ELK1: variants seen among roughly 807,000 people sequenced by gnomAD.
ELK1 encodes ETS domain-containing protein Elk-1.
For synonymous variants in ELK1, 163 were observed against 176.3 expected, an observed-to-expected ratio of 0.92 and a Z score of 0.60; for missense variants, 254 against 381.5, an observed-to-expected ratio of 0.67 and a Z score of 2.78.
Position 47,638,159 on chromosome X carries a change from G to A in ELK1, c.678C>T (p.Ala226=), listed in dbSNP as rs763164568. ...PLQVILTPPE[A]PNLKSEELNV... ...TAAGCTCTTCCGATTTCAGGTTTGGGGCCTCGGGCGGGGTCAGGATGACCT... is the reference window on the plus strand; with the variant it reads ...TAAGCTCTTCCGATTTCAGGTTTGGAGCCTCGGGCGGGGTCAGGATGACCT... The change falls in exon 5 of 7, where the codon GCC becomes GCT. Residue 226 remains alanine (A), a synonymous_variant. Transcript: ENST00000376983. 8.3e-7 allele frequency: 1 copy of A among 1,209,110 alleles called. No homozygotes were observed. The highest frequency in any genetic ancestry group is 1.1e-6 in the Non-Finnish European group (1 of 894,280).
In ELK1 at chrX:47,650,562, A is replaced by G. The variant is rs2058059867; in HGVS notation, c.-280T>C. 1 of 309,756 alleles carries G rather than the reference A, an allele frequency of 3.2e-6. No individual in the cohort carries two copies. The highest frequency in any genetic ancestry group is 6.0e-6 in the Non-Finnish European group (1 of 166,791). 25.5% of individuals were successfully genotyped at this position (309,756 alleles called of 1,213,427 possible). A position where few individuals can be genotyped will look rare whatever the true frequency, so the allele number is the denominator to read the frequency against. On this transcript the variant is annotated 5_prime_UTR_variant, in exon 1 of 7. Coordinates refer to ENST00000376983, the MANE Select transcript of ELK1 (RefSeq NM_001114123.3). ...GGTGGCGGTGGCGGCGGCAGCACCT[A>G]GAAGCCGCCCCTGCGTTTCCCTACA...
At position 47,636,460 on chromosome X, in the gene ELK1, T is replaced by G; in HGVS notation, c.*369A>C. Reference sequence around the variant, plus strand: ...AGGTCGTTCTCAAGCCAGACCTCGATTGTCTTGTCTTGGGGAAAAAAGTGG... The same window carrying G: ...AGGTCGTTCTCAAGCCAGACCTCGAGTGTCTTGTCTTGGGGAAAAAAGTGG... On this transcript the variant is annotated 3_prime_UTR_variant, in exon 7 of 7. Coordinates refer to ENST00000376983, the MANE Select transcript of ELK1 (RefSeq NM_001114123.3). 1 of 156,746 alleles carries G rather than the reference T, an allele frequency of 6.4e-6. No individual in the cohort carries two copies. Among genetic ancestry groups the G allele is most frequent in the Non-Finnish European group, 1.2e-5 (1 of 81,676 alleles). The allele number at this position is 156,746 out of a possible 1,213,427, so 12.9% of individuals were successfully genotyped here.
intron 4 of ELK1, 51 bp from the exon 5 acceptor site, chrX:47,638,233 A>G (rs1464101666): frequency 2.6e-6 from 3 of 1,173,272 alleles, no homozygotes; most frequent in South Asian, 1.9e-5. Flanking sequence ...TTGGGACCAC[A>G]GGATTCTCCT....
chrX:47,636,868 C>T lies in ELK1; in HGVS notation c.1248G>A (p.Ser416=), dbSNP rs1182257910. Reference sequence around the variant, plus strand: ...GCCCTGGGGAGAGCACCACGGGGGTCGAGAGGCCATCCACGCTGATAGAAG... The same window carrying T: ...GCCCTGGGGAGAGCACCACGGGGGTTGAGAGGCCATCCACGCTGATAGAAG... ...HIPSISVDGL[S]TPVVLSPGPQ... The change falls in exon 7 of 7, where the codon TCG becomes TCA. Residue 416 remains serine, a synonymous_variant. Transcript: ENST00000376983. 5.3e-5 allele frequency: 61 copies of T among 1,160,951 alleles called. No individual in the cohort carries two copies. Among genetic ancestry groups the T allele is most frequent in the Middle Eastern group, 2.4e-4 (1 of 4,252 alleles).
chrX:47,638,117 C>T lies in ELK1; in HGVS notation c.720G>A (p.Leu240=). 8.3e-7 allele frequency: 1 copy of T among 1,210,620 alleles called. No homozygotes were observed. The highest frequency in any genetic ancestry group is 1.7e-5 in the African/African-American group (1 of 57,903). The change falls in exon 5 of 7, where the codon TTG becomes TTA. Residue 240 remains leucine (L), a synonymous_variant. Coordinates refer to ENST00000376983, the MANE Select transcript of ELK1 (RefSeq NM_001114123.3). The part of the protein sequence containing the change: ...KSEELNVEPG[L]GRALPPEVKV... The stretch of plus-strand genomic sequence containing the variant: ...TCACTTCTGGGGGCAAAGCCCGGCC[C>T]AAACCCGGCTCCACATTAAGCTCTT...
At chrX:47,641,102 C>A in intron 3 of ELK1, 130 bp downstream of exon 3, 1 of 763,415 alleles carries the variant, frequency 1.3e-6, no homozygotes, top group Non-Finnish European at 1.9e-6. Flanking sequence ...CTTAGGGTAC[C>A]AATGGATGGG....
Position 47,639,240 on chromosome X carries a change from T to C in ELK1, c.309A>G (p.Pro103=). Residue 103 remains proline, a synonymous_variant, in exon 4 of 7, where the codon CCA becomes CCG. Transcript: ENST00000376983. The part of the protein sequence containing the change: ...GCSTEDCPPQ[P]EVSVTSTMPN... Reference sequence around the variant, plus strand: ...GCATGGTGGAGGTAACAGACACCTCTGGCTGGGGCGGGCAGTCCTCAGTGG... The same window carrying C: ...GCATGGTGGAGGTAACAGACACCTCCGGCTGGGGCGGGCAGTCCTCAGTGG... The C allele has an allele frequency of 8.3e-7, 1 of 1,210,285 alleles. No individual in the cohort carries two copies. The highest frequency in any genetic ancestry group is 1.1e-6 in the Non-Finnish European group (1 of 894,770).
chrX:47,649,840 G>T (rs994340623), intron 2 of ELK1, 81 bp downstream of exon 2: 4 of 99,364 alleles, frequency 4.0e-5, no homozygotes, highest in Non-Finnish European at 6.1e-5. Flanking sequence ...TGGTGGGGGG[G>T]GGGGGTGGTT....
At chrX:47,639,416 G>A (rs2235183) in intron 3 of ELK1, 78 bp from the exon 4 acceptor site, 1 of 853,739 alleles carries the variant, frequency 1.2e-6, no homozygotes, top group Non-Finnish European at 1.7e-6. Context: ...GGGAGGAGGG[G>A]GGTGGAGTGG....
At position 47,641,346 on chromosome X, in the gene ELK1, A is replaced by G. The variant is rs755428013; in HGVS notation, c.96T>C (p.Gly32=). The change falls in exon 3 of 7, where the codon GGT becomes GGC. Residue 32 remains glycine, a synonymous_variant. Transcript: ENST00000376983. ...HIISWTSRDG[G]EFKLVDAEEV... Reference sequence around the variant, plus strand: ...CCTCTGCATCCACCAGCTTGAATTCACCACCATCCCGTGAAGTCCAGGAGA... The same window carrying G: ...CCTCTGCATCCACCAGCTTGAATTCGCCACCATCCCGTGAAGTCCAGGAGA... The G allele has an allele frequency of 1.5e-5, 18 of 1,209,810 alleles. No homozygotes were observed. The highest frequency in any genetic ancestry group is 2.0e-5 in the Non-Finnish European group (18 of 895,226).
rs766616373 is a variant in ELK1, at chrX:47,637,846, G to A, written c.991C>T (p.Pro331Ser). ...LPLSPSLLGG[P>S]GPERTPGSGS... The stretch of plus-strand genomic sequence containing the variant: ...GATCCTGGGGTCCGTTCGGGTCCCG[G>A]CCCACCTAGCAGGCTCGGGCTGAGT... The change falls in exon 5 of 7, where the codon CCG becomes TCG. Residue 331 changes from proline to serine, a missense_variant. Physicochemically the swap from Pro to Ser is moderately conservative, Grantham distance 74 (BLOSUM62 -1). Coordinates refer to ENST00000376983, the MANE Select transcript of ELK1 (RefSeq NM_001114123.3). 14 of 1,197,459 alleles carry A rather than the reference G, an allele frequency of 1.2e-5. No homozygotes were observed. In the Middle Eastern group the frequency reaches 7.1e-4, roughly 61 times the overall value.
At position 47,641,776 on chromosome X, in the gene ELK1, G is replaced by A. The variant is rs765960126; in HGVS notation, c.-34-301C>T. ...GGCCAAATGATGCCAACCCTGCTCC[G>A]CATCCTAATCCTCGGAACCTGTATG... is the stretch of plus-strand genomic sequence containing the variant. On this transcript the variant is annotated intron_variant, in intron 2 of 6. Transcript: ENST00000376983. Among the ~76,000 whole-genome samples, 7 of 112,206 alleles carry A rather than the reference G, an allele frequency of 6.2e-5. No homozygotes were observed. In the South Asian group the frequency reaches 2.2e-3, roughly 35 times the overall value.
upstream of ELK1, chrX:47,650,564 A>G: frequency 3.3e-6 from 1 of 307,347 alleles, no homozygotes; most frequent in Admixed American, 4.4e-5. Flanking sequence ...CAGCACCTAG[A>G]AGCCGCCCCT....
chrX:47,648,577 G>A (rs1190073561), intron 2 of ELK1, among the ~76,000 whole-genome samples: 1 of 112,210 alleles, frequency 8.9e-6, no homozygotes, highest in African/African-American at 3.2e-5. Context: ...GAGATCTGGG[G>A]GTGGTGTTCA....
chrX:47,643,121 C>T (rs1238989358), intron 2 of ELK1, among the ~76,000 whole-genome samples: 3 of 111,144 alleles, frequency 2.7e-5, no homozygotes, highest in African/African-American at 9.8e-5. Context: ...TGGGGTCTCA[C>T]TATGTTGCCC....
chrX:47,639,402 A>AG, intron 3 of ELK1, 64 bp from the exon 4 acceptor site: 1 of 412,458 alleles, frequency 2.4e-6, no homozygotes, highest in Admixed American at 3.2e-5. Flanking sequence ...GCAGGGTGTC[A>AG]GGGGGGAGGA....
rs1463614465 is a variant in ELK1 at position 47,649,935 on chromosome X, G to A, written c.-49C>T. 1 of 106,948 alleles carries A rather than the reference G, an allele frequency of 9.4e-6. No homozygotes were observed. Among genetic ancestry groups the A allele is most frequent in the Non-Finnish European group, 1.9e-5 (1 of 51,839 alleles). 8.8% of individuals were successfully genotyped at this position (106,948 alleles called of 1,213,427 possible). A position where few individuals can be genotyped will look rare whatever the true frequency, so the allele number is the denominator to read the frequency against. ...GGTAGACTCACTGTTAAAGAGGGAT[G>A]CGGAGGAGTGCGGCGCCACGGATTG... On this transcript the variant is annotated 5_prime_UTR_variant, in exon 2 of 7. Coordinates refer to ENST00000376983, the MANE Select transcript of ELK1 (RefSeq NM_001114123.3).
At chrX:47,648,036 C>T (rs1179992163) in intron 2 of ELK1, among the ~76,000 whole-genome samples, 2 of 112,325 alleles carry the variant, frequency 1.8e-5, no homozygotes, top group African/African-American at 6.5e-5. Flanking sequence ...AATGAAATAA[C>T]ACTACCCAGG....
At chrX:47,647,915 G>A (rs1257478184) in intron 2 of ELK1, among the ~76,000 whole-genome samples, 1 of 112,272 alleles carries the variant, frequency 8.9e-6, no homozygotes, top group Non-Finnish European at 1.9e-5. Flanking sequence ...AGATGGTCAG[G>A]GAGGGGTTGA....
Sources: gnomAD v4.1 joint callset for allele counts (sites outside exome capture counted in the v4.1 genomes callset) on GRCh38, gnomAD v4.1.1 for gene constraint, MANE v1.5 for transcripts, NCBI Gene and HGNC (gene_info 2026-07-23, HGNC 2026-07-21) for gene names.